ICA1: variants seen among roughly 807,000 people sequenced by gnomAD.
The protein encoded by ICA1 is islet cell autoantigen 1, also known as 69 kDa islet cell autoantigen.
In ICA1, 40 loss-of-function variants were observed where a neutral mutation model predicts 71.0. That is an observed-to-expected ratio of 0.56 (90% CI 0.44 to 0.73). The LOEUF is 0.73. Ranked by LOEUF, ICA1 falls within the 30% of genes least tolerant of loss-of-function variation. ICA1 has a pLI of 0.00. For missense variants in ICA1, 578 were observed against 576.5 expected (o/e 1.00, Z -0.03); for synonymous variants, 207 against 209.5 (o/e 0.99, Z 0.10).
intron 6 of ICA1, among the ~76,000 whole-genome samples, chr7:8,178,825 G>T (rs778792583): frequency 6.6e-6 from 1 of 152,162 alleles, no homozygotes; most frequent in Non-Finnish European, 1.5e-5. Flanking sequence ...CTTGGTGTCA[G>T]TGATGGCTCC....
chr7:8,212,579 A>T (rs759368522), intron 6 of ICA1, among the ~76,000 whole-genome samples: 8 of 152,192 alleles, frequency 5.3e-5, no homozygotes, highest in African/African-American at 1.9e-4. Context: ...CAAACAAAAC[A>T]AAACGAAAAA....
intron 12 of ICA1, among the ~76,000 whole-genome samples, chr7:8,128,799 T>C (rs181186737): frequency 3.3e-5 from 5 of 151,974 alleles, no homozygotes; most frequent in African/African-American, 1.2e-4. Flanking sequence ...GTCAGGGAGC[T>C]TCACAGGCTA....
chr7:8,207,294 T>C (rs1231844001), intron 6 of ICA1, among the ~76,000 whole-genome samples: 1 of 152,218 alleles, frequency 6.6e-6, no homozygotes. Flanking sequence ...AACAGAAGCC[T>C]GATTAATGCA....
intron 13 of ICA1, among the ~76,000 whole-genome samples, chr7:8,114,687 G>A (rs1784225227): frequency 1.3e-5 from 2 of 152,134 alleles, no homozygotes; most frequent in Non-Finnish European, 2.9e-5. Context: ...CTAAACACCT[G>A]CCCTAACTTC....
intron 13 of ICA1, chr7:8,116,545 T>G (rs1784862905): frequency 6.6e-6 from 1 of 152,256 alleles, no homozygotes; most frequent in Non-Finnish European, 1.5e-5. Context: ...GCAAATAAAC[T>G]ATTGCTATGG....
chr7:8,137,323 C>G (rs1261864504), intron 12 of ICA1, among the ~76,000 whole-genome samples: 1 of 151,992 alleles, frequency 6.6e-6, no homozygotes, highest in Non-Finnish European at 1.5e-5. Context: ...ATTATATAAA[C>G]AAGATGTTGG....
intron 1 of ICA1, among the ~76,000 whole-genome samples, chr7:8,237,468 T>C (rs150479136): frequency 1.9e-4 from 29 of 152,362 alleles, no homozygotes; most frequent in African/African-American, 6.0e-4. Context: ...TAAAAAAGTT[T>C]ATTCTTTTAA....
chr7:8,203,756 T>C (rs1790534498), intron 6 of ICA1, among the ~76,000 whole-genome samples: 1 of 152,226 alleles, frequency 6.6e-6, no homozygotes, highest in Non-Finnish European at 1.5e-5. Context: ...GGGCTTCTGC[T>C]ACTTTCCTCT....
chr7:8,248,108 C>T (rs540484626), intron 1 of ICA1, among the ~76,000 whole-genome samples: 10 of 152,258 alleles, frequency 6.6e-5, no homozygotes, highest in Admixed American at 2.6e-4. Context: ...TTCCTAAGCA[C>T]GTCATTTTAC....
intron 1 of ICA1, among the ~76,000 whole-genome samples, chr7:8,242,985 G>GT (rs1563171407): frequency 6.6e-6 from 1 of 152,158 alleles, no homozygotes; most frequent in Non-Finnish European, 1.5e-5. Flanking sequence ...TCTACCAGAG[G>GT]TACAAAGAGG....
chr7:8,236,093 C>A, intron 1 of ICA1, 88 bp from the exon 2 acceptor site: 2 of 673,440 alleles, frequency 3.0e-6, no homozygotes, highest in South Asian at 4.2e-5. Flanking sequence ...CAACCTAAGC[C>A]ATTTCTAGCT....
chr7:8,124,693 T>A (rs537190760), intron 13 of ICA1, among the ~76,000 whole-genome samples: 1 of 152,294 alleles, frequency 6.6e-6, no homozygotes, highest in Non-Finnish European at 1.5e-5. Context: ...TAGGTTTGGC[T>A]TTTTTTCCTC....
In ICA1 at chr7:8,145,313, A is replaced by G. The variant is rs532992016; in HGVS notation, c.805-1341T>C. Among the ~76,000 whole-genome samples the G allele has an allele frequency of 3.6e-4, 55 of 152,122 alleles. 1 individual carries two copies. The highest frequency in any genetic ancestry group is 2.4e-5 in the African/African-American group (1 of 41,484). ...CCATCTTGCTCCCTACCATCCCCCA[A>G]ACATGAGCTTTCTTTCAGTTAGGAT... On this transcript the variant is annotated intron_variant, in intron 8 of 13. Transcript: ENST00000402384.
intron 1 of ICA1, among the ~76,000 whole-genome samples, chr7:8,240,155 C>T (rs151117232): frequency 0.012 from 1,812 of 152,280 alleles, 37 homozygotes; most frequent in African/African-American, 0.041. Flanking sequence ...CTGACAGACA[C>T]CTTATACAGG....
In ICA1 at chr7:8,223,922, A is replaced by T. The variant is rs947589512; in HGVS notation, c.257-2524T>A. On this transcript the variant is annotated intron_variant, in intron 4 of 13. Transcript: ENST00000402384. The surrounding 1 kb of genome is among the most constrained non-coding windows in gnomAD (Gnocchi z 4.1). ...GCCGTTAAAAACAAGGCAACTATGGAACTATGAAATTAATTAGCTGGACAG... is the reference window on the plus strand; with the variant it reads ...GCCGTTAAAAACAAGGCAACTATGGTACTATGAAATTAATTAGCTGGACAG... 3.3e-5 allele frequency among the ~76,000 whole-genome samples: 5 copies of T among 152,188 alleles called. No homozygotes were observed. The highest frequency in any genetic ancestry group is 1.2e-4 in the African/African-American group (5 of 41,440).
At chr7:8,114,683 A>C (rs190023206) in intron 13 of ICA1, among the ~76,000 whole-genome samples, 84 of 152,146 alleles carry the variant, frequency 5.5e-4, no homozygotes, top group African/African-American at 2.0e-3. Context: ...CCACCTAAAC[A>C]CCTGCCCTAA....
At chr7:8,215,437 G>A (rs1338090244) in intron 6 of ICA1, among the ~76,000 whole-genome samples, 30 of 152,166 alleles carry the variant, frequency 2.0e-4, no homozygotes, top group Non-Finnish European at 1.5e-5. Context: ...GCAGCACCAC[G>A]TGCCACCATA....
chr7:8,193,454 G>C (rs181566621), intron 6 of ICA1, among the ~76,000 whole-genome samples: 23 of 152,326 alleles, frequency 1.5e-4, no homozygotes, highest in Admixed American at 5.2e-4. Context: ...ACGAAGAATA[G>C]TTTCAGAACT....
intron 1 of ICA1, among the ~76,000 whole-genome samples, chr7:8,245,552 G>C (rs140340232): frequency 2.0e-4 from 30 of 151,822 alleles, no homozygotes; most frequent in African/African-American, 6.3e-4. Context: ...AGAACTTAAA[G>C]TATAATAATA....
Sources: gnomAD v4.1 joint callset for allele counts (sites outside exome capture counted in the v4.1 genomes callset) on GRCh38, gnomAD v4.1.1 for gene constraint, Gnocchi (gnomAD v3.1) non-coding constraint, MANE v1.5 for transcripts, NCBI Gene and HGNC (gene_info 2026-07-23, HGNC 2026-07-21) for gene names.